The following UBE2K variants were observed in gnomAD, a reference collection of about 807,000 sequenced individuals.
The protein encoded by UBE2K is ubiquitin conjugating enzyme E2 K, also known as ubiquitin-conjugating enzyme E2 K.
UBE2K carries 6 observed loss-of-function variants against 30.0 expected under a neutral mutation model. The ratio of observed to expected loss-of-function variants is 0.20; its 90% CI spans 0.11 to 0.39. The LOEUF is 0.39. UBE2K is among the 10% of genes least tolerant of loss of function. The pLI is 1.00. For missense variants in UBE2K, 61 were observed against 241.6 expected, an observed-to-expected ratio of 0.25 and a Z score of 4.96; for synonymous variants, 86 against 83.7, an observed-to-expected ratio of 1.03 and a Z score of -0.15.
At position 39,778,712 on chromosome 4, in the gene UBE2K, C is replaced by T; in HGVS notation, c.*278C>T. 3.4e-6 allele frequency: 1 copy of T among 290,996 alleles called. No individual in the cohort carries two copies. Among genetic ancestry groups the T allele is most frequent in the South Asian group, 5.4e-5 (1 of 18,630 alleles). 18.0% of individuals were successfully genotyped at this position (290,996 alleles called of 1,614,324 possible). On this transcript the variant is annotated 3_prime_UTR_variant, in exon 7 of 7. Transcript: ENST00000261427. ...CTAAAACCATGGAAGAAACATGCTA[C>T]TTTAGTGTTTAGCAGTGTACCAAGA... is the stretch of plus-strand genomic sequence containing the variant.
chr4:39,711,430 G>T (rs1220798922), intron 1 of UBE2K, among the ~76,000 whole-genome samples: 1 of 151,816 alleles, frequency 6.6e-6, no homozygotes, highest in East Asian at 1.9e-4. Flanking sequence ...CCAAAGTGCT[G>T]AGATTACAGG....
intron 4 of UBE2K, among the ~76,000 whole-genome samples, chr4:39,767,298 TG>T (rs1202533397): frequency 7.6e-6 from 1 of 131,560 alleles, no homozygotes; most frequent in Non-Finnish European, 1.6e-5. Context: ...TCTTTTTTTC[TG>T]TTTTTTTTTT....
intron 4 of UBE2K, among the ~76,000 whole-genome samples, chr4:39,771,682 C>T (rs530671401): frequency 1.1e-3 from 162 of 152,188 alleles, no homozygotes; most frequent in Middle Eastern, 3.4e-3. Flanking sequence ...CGCGCGGCGA[C>T]GGCGTCGGCT....
In UBE2K at chr4:39,698,399, T is replaced by A. The variant is rs1200826716; in HGVS notation, c.63+9T>A. 1 of 1,608,698 alleles carries A rather than the reference T, an allele frequency of 6.2e-7. No homozygotes were observed. The highest frequency in any genetic ancestry group is 8.5e-7 in the Non-Finnish European group (1 of 1,177,870). ...TGCTGAAGAGCGAGGAGGTCAGAAATGAACTCCCGGATATCCCCCACCTCT... is the reference window on the plus strand; with the variant it reads ...TGCTGAAGAGCGAGGAGGTCAGAAAAGAACTCCCGGATATCCCCCACCTCT... On this transcript the variant is annotated intron_variant, in intron 1 of 6. Transcript: ENST00000261427.
In UBE2K at chr4:39,780,617, G is replaced by A. The variant is rs571653678; in HGVS notation, c.*2183G>A. On this transcript the variant is annotated 3_prime_UTR_variant, in exon 7 of 7. Coordinates refer to ENST00000261427, the MANE Select transcript of UBE2K (RefSeq NM_005339.5). ...AAGAAATTGGAAAGTACAATATTTG[G>A]TTTGAGACATTCTTCATAAAAGATT... 1.4e-4 allele frequency: 21 copies of A among 152,120 alleles called. No homozygotes were observed. Among genetic ancestry groups the A allele is most frequent in the Admixed American group, 3.3e-4 (5 of 15,268 alleles). The allele number at this position is 152,120 out of a possible 1,614,324, so 9.4% of individuals were successfully genotyped here.
chr4:39,771,029 C>T (rs2109404333), intron 4 of UBE2K: 3 of 1,612,258 alleles, frequency 1.9e-6, no homozygotes, highest in Non-Finnish European at 2.5e-6. Context: ...TCACGGACCC[C>T]ATCCTCTTTG....
At chr4:39,766,055 T>TA (rs1712313185) in intron 4 of UBE2K, among the ~76,000 whole-genome samples, 1 of 152,226 alleles carries the variant, frequency 6.6e-6, no homozygotes, top group Admixed American at 6.5e-5. Flanking sequence ...ATAATATTGT[T>TA]ATGAACATTT....
At chr4:39,713,746 T>C (rs1718849144) in intron 1 of UBE2K, 1 of 152,128 alleles carries the variant, frequency 6.6e-6, no homozygotes, top group South Asian at 2.1e-4. Context: ...GGCAGTCACA[T>C]TTCTACTTTG....
At chr4:39,755,468 C>T (rs1205701703) in intron 3 of UBE2K, among the ~76,000 whole-genome samples, 189 bp from the exon 4 acceptor site, 1 of 152,208 alleles carries the variant, frequency 6.6e-6, no homozygotes, top group Non-Finnish European at 1.5e-5. Flanking sequence ...TTGAAAACAA[C>T]ATATGTTAGT....
chr4:39,748,629 A>G (rs1721100858), intron 3 of UBE2K, among the ~76,000 whole-genome samples: 1 of 151,808 alleles, frequency 6.6e-6, no homozygotes, highest in Non-Finnish European at 1.5e-5. Flanking sequence ...CCAAAAAAAA[A>G]AAAAAAGAAA....
At chr4:39,727,021 A>G (rs1259990376) in intron 1 of UBE2K, among the ~76,000 whole-genome samples, 1 of 152,234 alleles carries the variant, frequency 6.6e-6, no homozygotes, top group African/African-American at 2.4e-5. Flanking sequence ...ATGAAACCAA[A>G]TCAATTGTCT....
At chr4:39,752,636 A>G (rs1721330305) in intron 3 of UBE2K, among the ~76,000 whole-genome samples, 1 of 152,080 alleles carries the variant, frequency 6.6e-6, no homozygotes, top group South Asian at 2.1e-4. Context: ...GCGCCCAGCC[A>G]CCATTTTAAA....
At chr4:39,731,275 G>A (rs186312726) in intron 1 of UBE2K, among the ~76,000 whole-genome samples, 95 of 152,216 alleles carry the variant, frequency 6.2e-4, no homozygotes, top group African/African-American at 1.8e-3. Context: ...GATACTGCTC[G>A]TCTAGAACTT....
intron 1 of UBE2K, among the ~76,000 whole-genome samples, chr4:39,722,243 T>G (rs573567488): frequency 6.6e-6 from 1 of 152,330 alleles, no homozygotes; most frequent in Admixed American, 6.5e-5. Flanking sequence ...CTCATCTCAT[T>G]AATACTGAAA....
chr4:39,769,214 T>TG (rs1712569697), intron 4 of UBE2K, among the ~76,000 whole-genome samples: 1 of 5,462 alleles, frequency 1.8e-4, no homozygotes, highest in African/African-American at 2.3e-3. Flanking sequence ...TTTCTTTTTG[T>TG]TTTTTTTTTT....
At position 39,698,191 on chromosome 4, in the gene UBE2K, C is replaced by A; in HGVS notation, c.-137C>A. Reference sequence around the variant, plus strand: ...TCCACACTGAGGCGAGCGCGGCGGCCGGGGTGGTAGTGGCAGTGTTCGTGT... The same window carrying A: ...TCCACACTGAGGCGAGCGCGGCGGCAGGGGTGGTAGTGGCAGTGTTCGTGT... On this transcript the variant is annotated 5_prime_UTR_variant, in exon 1 of 7. Coordinates refer to ENST00000261427, the MANE Select transcript of UBE2K (RefSeq NM_005339.5). 1.2e-6 allele frequency: 1 copy of A among 849,560 alleles called. No homozygotes were observed. Among genetic ancestry groups the A allele is most frequent in the Non-Finnish European group, 1.9e-6 (1 of 512,826 alleles). The allele number at this position is 849,560 out of a possible 1,614,324, so 52.6% of individuals were successfully genotyped here.
intron 1 of UBE2K, among the ~76,000 whole-genome samples, chr4:39,720,392 C>G (rs1227106563): frequency 2.0e-5 from 3 of 151,266 alleles, no homozygotes; most frequent in Non-Finnish European, 4.4e-5. Context: ...ATGACATCAT[C>G]TGTGGTTCAA....
At chr4:39,716,590 A>G (rs7697939) in intron 1 of UBE2K, among the ~76,000 whole-genome samples, 47,898 of 152,088 alleles carry the variant, frequency 0.31, 9,354 homozygotes, top group African/African-American at 0.56. Context: ...GCAACTTGCA[A>G]TAGCTTAAGC....
At chr4:39,744,978 T>A (rs947494449) in intron 2 of UBE2K, among the ~76,000 whole-genome samples, 1 of 141,054 alleles carries the variant, frequency 7.1e-6, no homozygotes, top group Non-Finnish European at 1.5e-5. Flanking sequence ...TGTCTTTATG[T>A]CTATCTCTCT....
Sources: gnomAD v4.1 joint callset for allele counts (sites outside exome capture counted in the v4.1 genomes callset) on GRCh38, gnomAD v4.1.1 for gene constraint, MANE v1.5 for transcripts, NCBI Gene and HGNC (gene_info 2026-07-23, HGNC 2026-07-21) for gene names.